SLC1A2: variants seen among roughly 807,000 people sequenced by gnomAD.
The protein encoded by SLC1A2 is excitatory amino acid transporter 2.
SLC1A2 carries 15 observed loss-of-function variants against 48.8 expected under a neutral mutation model. That is an observed-to-expected ratio of 0.31 (90% CI 0.21 to 0.47). SLC1A2 has a LOEUF of 0.47. SLC1A2 is among the 20% of genes least tolerant of loss of function. The pLI, the probability that SLC1A2 is intolerant of heterozygous loss-of-function variation, is 0.99. For synonymous variants in SLC1A2, 279 were observed against 272.6 expected, an observed-to-expected ratio of 1.02 and a Z score of -0.23; for missense variants, 502 against 730.5, an observed-to-expected ratio of 0.69 and a Z score of 3.61.
Position 35,335,855 on chromosome 11 carries a change from A to T in SLC1A2, c.18-18339T>A, listed in dbSNP as rs375993118. 4.2e-4 allele frequency among the ~76,000 whole-genome samples: 64 copies of T among 152,272 alleles called. 1 individual carries two copies. In the South Asian group the frequency reaches 0.013, roughly 30 times the overall value. ...CAGTCTCAAAAAAATTAAGTAAATA[A>T]AATTTTTAAAAAATTAAATTAAAAA... On this transcript the variant is annotated intron_variant, in intron 1 of 10. Coordinates refer to ENST00000278379, the MANE Select transcript of SLC1A2 (RefSeq NM_004171.4).
chr11:35,417,019 A>G (rs1855631423), intron 1 of SLC1A2, among the ~76,000 whole-genome samples: 1 of 152,250 alleles, frequency 6.6e-6, no homozygotes, highest in South Asian at 2.1e-4. Context: ...GAAGAAAGGA[A>G]AGACCAGGGC....
chr11:35,356,717 A>G (rs942072721), intron 1 of SLC1A2, among the ~76,000 whole-genome samples: 5 of 152,220 alleles, frequency 3.3e-5, no homozygotes, highest in Non-Finnish European at 7.3e-5. Context: ...CAAATGTAAA[A>G]TCTCTGACAA....
rs1368861215 is a variant in SLC1A2, at chr11:35,252,725, C to T, written c.*8169G>A. The T allele has an allele frequency of 1.3e-5, 2 of 152,628 alleles. No homozygotes were observed. Among genetic ancestry groups the T allele is most frequent in the Non-Finnish European group, 2.9e-5 (2 of 68,042 alleles). The allele number at this position is 152,628 out of a possible 1,614,324, so 9.5% of individuals were successfully genotyped here. On this transcript the variant is annotated 3_prime_UTR_variant, in exon 11 of 11. Coordinates refer to ENST00000278379, the MANE Select transcript of SLC1A2 (RefSeq NM_004171.4). The stretch of plus-strand genomic sequence containing the variant: ...TGCAAAACACCGATCAACATGTCTA[C>T]TGCATTTAGATGAATAGCCAAAAAT...
In SLC1A2 at chr11:35,256,421, A is replaced by G. The variant is rs1950314796; in HGVS notation, c.*4473T>C. The stretch of plus-strand genomic sequence containing the variant: ...ATTTGGTTTTCTTTTAGGGAAAATC[A>G]TAAGAAAATGTGTCATGAGCAGCTG... On this transcript the variant is annotated 3_prime_UTR_variant, in exon 11 of 11. Coordinates refer to ENST00000278379, the MANE Select transcript of SLC1A2 (RefSeq NM_004171.4). 1 of 152,592 alleles carries G rather than the reference A, an allele frequency of 6.6e-6. No individual in the cohort carries two copies. The highest frequency in any genetic ancestry group is 1.5e-5 in the Non-Finnish European group (1 of 68,050). The allele number at this position is 152,592 out of a possible 1,614,324, so 9.5% of individuals were successfully genotyped here. A position where few individuals can be genotyped will look rare whatever the true frequency, so the allele number is the denominator to read the frequency against.
At chr11:35,404,954 A>G (rs1855240637) in intron 1 of SLC1A2, among the ~76,000 whole-genome samples, 1 of 152,158 alleles carries the variant, frequency 6.6e-6, no homozygotes, top group Non-Finnish European at 1.5e-5. Context: ...ATCTAGGAGG[A>G]TTCTAGCATT....
intron 1 of SLC1A2, among the ~76,000 whole-genome samples, chr11:35,382,888 T>C (rs1313579791): frequency 2.0e-5 from 3 of 151,892 alleles, no homozygotes; most frequent in African/African-American, 4.8e-5. Flanking sequence ...TCTCTAGGAG[T>C]GAAAAAAGCT....
At chr11:35,312,600 G>A (rs1439606955) in intron 3 of SLC1A2, 152 bp from the exon 4 acceptor site, 3 of 969,652 alleles carry the variant, frequency 3.1e-6, no homozygotes, top group South Asian at 3.4e-5. Context: ...ATCCATGAGA[G>A]GGTTGGTTCT....
chr11:35,305,732 A>G (rs1229863450), intron 5 of SLC1A2, among the ~76,000 whole-genome samples: 1 of 152,190 alleles, frequency 6.6e-6, no homozygotes, highest in Non-Finnish European at 1.5e-5. Context: ...AATGCTTAAG[A>G]AACGAAAGCA....
At chr11:35,349,343 A>T (rs1378333227) in intron 1 of SLC1A2, among the ~76,000 whole-genome samples, 1 of 152,204 alleles carries the variant, frequency 6.6e-6, no homozygotes, top group East Asian at 1.9e-4. Flanking sequence ...ATAATGACAG[A>T]GGAAGTGGTA....
At chr11:35,414,295 A>C (rs186281792) in intron 1 of SLC1A2, among the ~76,000 whole-genome samples, 1 of 152,294 alleles carries the variant, frequency 6.6e-6, no homozygotes, top group African/African-American at 2.4e-5. Flanking sequence ...AATTTTAAAG[A>C]TCTTCCTTTC....
At position 35,265,568 on chromosome 11, in the gene SLC1A2, C is replaced by T. The variant is rs141600268; in HGVS notation, c.1612G>A (p.Val538Ile). Residue 538 changes from valine to isoleucine, a missense_variant, in exon 10 of 11, where the codon GTC becomes ATC. By Grantham distance (29) the Val-to-Ile change is conservative. Around this residue, in one of 4 missense-constraint regions of SLC1A2, gnomAD observed 102 missense variants for 107.2 expected, o/e 0.95. Transcript: ENST00000278379. ...NHRESNSNQC[V>I]YAAHNSVIVD... ...ATGACAGAGTTGTGTGCAGCATAGACACATTGATTAGAGTTGCTTTCCCTG... is the reference window on the plus strand; with the variant it reads ...ATGACAGAGTTGTGTGCAGCATAGATACATTGATTAGAGTTGCTTTCCCTG... 4.3e-6 allele frequency: 7 copies of T among 1,609,544 alleles called. No individual in the cohort carries two copies. The highest frequency in any genetic ancestry group is 6.0e-6 in the Non-Finnish European group (7 of 1,175,996).
chr11:35,381,371 A>G (rs765123306), intron 1 of SLC1A2, among the ~76,000 whole-genome samples: 12 of 152,172 alleles, frequency 7.9e-5, no homozygotes, highest in Non-Finnish European at 1.6e-4. Context: ...GTAAGTCTTG[A>G]GCTGCCAAAC....
intron 2 of SLC1A2, 143 bp downstream of exon 2, chr11:35,317,234 T>A (rs1207979423): frequency 9.4e-6 from 7 of 743,454 alleles, no homozygotes; most frequent in African/African-American, 7.0e-5. Context: ...ATTATATCAC[T>A]GAAGCCTGGG....
chr11:35,370,409 T>C (rs1854016879), intron 1 of SLC1A2, among the ~76,000 whole-genome samples: 1 of 152,186 alleles, frequency 6.6e-6, no homozygotes, highest in South Asian at 2.1e-4. Flanking sequence ...CTAAGCCTCC[T>C]CAAAGAAGGA....
In SLC1A2 at chr11:35,265,621, T is replaced by C. The variant is rs747441252; in HGVS notation, c.1559A>G (p.Gln520Arg). ...GTTCTTCATGTCATCATAAATGGAT[T>C]GAGTCTTGGTCATTTCAATATCTTC... ...VHEDIEMTKT[Q>R]SIYDDMKNHR... The change falls in exon 10 of 11, where the codon CAA becomes CGA. Residue 520 changes from glutamine to arginine, a missense_variant. By Grantham distance (43) the Gln-to-Arg change is conservative. This residue lies in a region of SLC1A2 where 102 missense variants were observed against 107.2 expected (regional missense o/e 0.95). Coordinates refer to ENST00000278379, the MANE Select transcript of SLC1A2 (RefSeq NM_004171.4). The C allele has an allele frequency of 6.2e-7, 1 of 1,612,720 alleles. No individual in the cohort carries two copies. Among genetic ancestry groups the C allele is most frequent in the Non-Finnish European group, 8.5e-7 (1 of 1,178,662 alleles).
intron 1 of SLC1A2, among the ~76,000 whole-genome samples, chr11:35,357,754 T>C (rs1473936932): frequency 6.6e-6 from 1 of 152,108 alleles, no homozygotes; most frequent in Non-Finnish European, 1.5e-5. Flanking sequence ...GTCCACACAA[T>C]ATAAGAGTGA....
At chr11:35,334,636 G>T (rs1852553046) in intron 1 of SLC1A2, among the ~76,000 whole-genome samples, 1 of 152,132 alleles carries the variant, frequency 6.6e-6, no homozygotes, top group Non-Finnish European at 1.5e-5. Context: ...TATCTTCTCT[G>T]CATGGCCCCT....
At chr11:35,417,381 G>T (rs1316110886) in intron 1 of SLC1A2, among the ~76,000 whole-genome samples, 1 of 152,182 alleles carries the variant, frequency 6.6e-6, no homozygotes, top group Non-Finnish European at 1.5e-5. Flanking sequence ...GCAGGATTTG[G>T]AAGACTAATA....
intron 8 of SLC1A2, among the ~76,000 whole-genome samples, chr11:35,284,543 T>TTG (rs34712517): frequency 0.32 from 47,858 of 149,904 alleles, 8,154 homozygotes; most frequent in East Asian, 0.53. Context: ...TGTTTTCATA[T>TTG]TGTGTGTGTG....
Sources: gnomAD v4.1 joint callset for allele counts (sites outside exome capture counted in the v4.1 genomes callset) on GRCh38, gnomAD v4.1.1 for gene constraint, gnomAD v4.1.1 regional missense constraint, MANE v1.5 for transcripts, NCBI Gene and HGNC (gene_info 2026-07-23, HGNC 2026-07-21) for gene names.